Variants in TTC28 observed in about 807,000 individuals in gnomAD.
The protein encoded by TTC28 is tetratricopeptide repeat domain 28.
Under a neutral mutation model 198.0 loss-of-function variants are expected in TTC28, and 61 were observed. That is an observed-to-expected ratio of 0.31 (90% CI 0.25 to 0.38). The LOEUF is 0.38. TTC28 is among the 10% of genes least tolerant of loss of function. The pLI, the probability that TTC28 is intolerant of heterozygous loss-of-function variation, is 1.00. For missense variants in TTC28, 2,678 were observed against 3,164.0 expected (o/e 0.85, Z 3.69); for synonymous variants, 1,171 against 1,297.8 (o/e 0.90, Z 2.10).
At chr22:28,579,243 G>A (rs187836250) in intron 2 of TTC28, among the ~76,000 whole-genome samples, 15 of 149,668 alleles carry the variant, frequency 1.0e-4, no homozygotes, top group African/African-American at 3.7e-4. Context: ...ACATAGATAT[G>A]TATAGCTATA....
At chr22:28,298,841 G>A (rs2044956471) in intron 3 of TTC28, among the ~76,000 whole-genome samples, 2 of 152,106 alleles carry the variant, frequency 1.3e-5, no homozygotes, top group South Asian at 4.2e-4. Context: ...CAAAACCCTT[G>A]TCATTCTCAC....
chr22:28,475,947 G>A (rs1182478154), intron 2 of TTC28, among the ~76,000 whole-genome samples: 1 of 152,108 alleles, frequency 6.6e-6, no homozygotes, highest in African/African-American at 2.4e-5. Context: ...TTTCTGCTTT[G>A]AATGAAATTA....
chr22:28,395,631 CAAACA>C (rs1175347877), intron 2 of TTC28, among the ~76,000 whole-genome samples: 81 of 24,644 alleles, frequency 3.3e-3, no homozygotes, highest in African/African-American at 7.0e-3. Flanking sequence ...AAAAACCAAA[CAAACA>C]AAAAAAAAAA....
intron 12 of TTC28, among the ~76,000 whole-genome samples, chr22:28,078,618 T>A (rs1286927195): frequency 1.3e-5 from 2 of 151,998 alleles, no homozygotes; most frequent in Non-Finnish European, 1.5e-5. Flanking sequence ...CAGTGTGAAA[T>A]ATAAACAGAG....
chr22:28,649,645 T>A (rs940427912), intron 1 of TTC28, among the ~76,000 whole-genome samples: 1 of 152,200 alleles, frequency 6.6e-6, no homozygotes, highest in Admixed American at 6.5e-5. Flanking sequence ...AGTGTTCTCT[T>A]GAGATGGTTA....
At chr22:28,083,434 A>C (rs1350833033) in intron 12 of TTC28, among the ~76,000 whole-genome samples, 1 of 152,228 alleles carries the variant, frequency 6.6e-6, no homozygotes, top group African/African-American at 2.4e-5. Flanking sequence ...CTGCAAAGTC[A>C]AATTACAAAA....
chr22:28,029,099 G>T (rs924241497), intron 13 of TTC28: 1 of 471,068 alleles, frequency 2.1e-6, no homozygotes, highest in East Asian at 6.9e-5. Context: ...CCAGGCCTCC[G>T]CAAACCTGGT....
intron 2 of TTC28, among the ~76,000 whole-genome samples, chr22:28,348,748 G>C (rs1363221025): frequency 6.6e-6 from 1 of 152,164 alleles, no homozygotes; most frequent in East Asian, 1.9e-4. Context: ...CCCTGCTCAA[G>C]TGAACACAGA....
At chr22:28,438,059 T>C (rs2047550751) in intron 2 of TTC28, among the ~76,000 whole-genome samples, 1 of 152,172 alleles carries the variant, frequency 6.6e-6, no homozygotes, top group Admixed American at 6.5e-5. Flanking sequence ...TAGAATGGAT[T>C]TGAAGAAAGA....
At chr22:28,405,743 G>A (rs374826388) in intron 2 of TTC28, among the ~76,000 whole-genome samples, 1 of 152,182 alleles carries the variant, frequency 6.6e-6, no homozygotes, top group Non-Finnish European at 1.5e-5. Flanking sequence ...CAGGGAAGAG[G>A]TGCTGAAAGC....
intron 1 of TTC28, among the ~76,000 whole-genome samples, chr22:28,651,698 C>G: frequency 6.6e-6 from 1 of 152,168 alleles, no homozygotes; most frequent in South Asian, 2.1e-4. Flanking sequence ...AGGCACAAGC[C>G]ACTGTGCTTG....
chr22:28,472,106 C>T (rs565950516), intron 2 of TTC28, among the ~76,000 whole-genome samples: 14 of 152,300 alleles, frequency 9.2e-5, no homozygotes, highest in Admixed American at 3.3e-4. Context: ...ATACCATACA[C>T]TAATCAAACT....
chr22:28,276,767 G>A (rs2145723315), intron 5 of TTC28, among the ~76,000 whole-genome samples: 1 of 152,276 alleles, frequency 6.6e-6, no homozygotes, highest in Non-Finnish European at 1.5e-5. Flanking sequence ...GTGTCAGACT[G>A]AGGACTCAAC....
chr22:28,234,848 G>A (rs1929112302), intron 5 of TTC28, among the ~76,000 whole-genome samples: 1 of 152,130 alleles, frequency 6.6e-6, no homozygotes. Flanking sequence ...AACTAGAATT[G>A]TGATGCTAAA....
chr22:28,625,390 C>A (rs2051063356), intron 2 of TTC28, among the ~76,000 whole-genome samples: 1 of 152,204 alleles, frequency 6.6e-6, no homozygotes, highest in East Asian at 1.9e-4. Context: ...ACAGAAAATA[C>A]ATTGTATTTC....
chr22:28,116,915 C>G (rs1448512229), intron 6 of TTC28, among the ~76,000 whole-genome samples: 1 of 152,326 alleles, frequency 6.6e-6, no homozygotes, highest in East Asian at 1.9e-4. Flanking sequence ...CAATCCTACC[C>G]TGCCTCTTCT....
intron 12 of TTC28, among the ~76,000 whole-genome samples, chr22:28,092,301 C>T (rs1354849532): frequency 6.6e-6 from 1 of 152,182 alleles, no homozygotes; most frequent in East Asian, 1.9e-4. Context: ...GCCCTCAGTT[C>T]TGGGACAGTA....
At chr22:28,173,491 G>A (rs561267732) in intron 5 of TTC28, among the ~76,000 whole-genome samples, 1 of 152,286 alleles carries the variant, frequency 6.6e-6, no homozygotes, top group African/African-American at 2.4e-5. Flanking sequence ...AAACAGTTAT[G>A]CTAACAAACT....
intron 2 of TTC28, among the ~76,000 whole-genome samples, chr22:28,591,032 C>T (rs866255772): frequency 2.0e-3 from 124 of 62,416 alleles, no homozygotes; most frequent in Non-Finnish European, 3.1e-3. Flanking sequence ...CACACACACA[C>T]ACACACACAT....
Sources: allele counts gnomAD v4.1 joint callset (sites outside exome capture counted in the v4.1 genomes callset), GRCh38; gene constraint gnomAD v4.1.1; transcripts MANE v1.5; gene names NCBI Gene and HGNC (gene_info 2026-07-23, HGNC 2026-07-21).